SIGLEC1: variants seen among roughly 807,000 people sequenced by gnomAD.
SIGLEC1 encodes the protein sialoadhesin.
SIGLEC1 carries 132 observed loss-of-function variants against 148.0 expected under a neutral mutation model. That is an observed-to-expected ratio of 0.89 (90% CI 0.77 to 1.03). SIGLEC1 has a LOEUF of 1.03. SIGLEC1 is among the 50% of genes least tolerant of loss of function. SIGLEC1 has a pLI of 0.00. For synonymous variants in SIGLEC1, 945 were observed against 969.0 expected, an observed-to-expected ratio of 0.98 and a Z score of 0.46; for missense variants, 2,253 against 2,271.4, an observed-to-expected ratio of 0.99 and a Z score of 0.16.
intron 11 of SIGLEC1, 121 bp from the exon 12 acceptor site, chr20:3,695,044 T>C (rs1180439552): frequency 9.6e-7 from 1 of 1,041,170 alleles, no homozygotes; most frequent in Non-Finnish European, 1.4e-6. Flanking sequence ...CGCAGCCCCT[T>C]CCAGACCACC....
intron 4 of SIGLEC1, among the ~76,000 whole-genome samples, chr20:3,704,487 G>A (rs1254051319): frequency 6.6e-6 from 1 of 152,252 alleles, no homozygotes; most frequent in Non-Finnish European, 1.5e-5. Context: ...TACCTAGTGG[G>A]AGGGGGCCAA....
chr20:3,711,117 G>T (rs1451221525), intron 1 of SIGLEC1, among the ~76,000 whole-genome samples: 1 of 152,238 alleles, frequency 6.6e-6, no homozygotes, highest in East Asian at 1.9e-4. Flanking sequence ...AGGGGGCGGT[G>T]TGCCAGCAAC....
In SIGLEC1 at chr20:3,694,727, G is replaced by A; in HGVS notation, c.2880C>T (p.Cys960=). 1 of 1,613,844 alleles carries A rather than the reference G, an allele frequency of 6.2e-7. No homozygotes were observed. The highest frequency in any genetic ancestry group is 8.5e-7 in the Non-Finnish European group (1 of 1,180,000). Residue 960 remains cysteine (C), a synonymous_variant, in exon 12 of 22, where the codon TGC becomes TGT. Transcript: ENST00000344754. The stretch of plus-strand genomic sequence containing the variant: ...TGGCTGAGCCTGGGGCCTGGGCTTG[G>A]CAATGATAGGCCCCAGCTTGTGTCA... ...ITLTQAGAYH[C]QAQAPGSATT...
At position 3,701,405 on chromosome 20, in the gene SIGLEC1, A is replaced by T. The variant is rs1353297019; in HGVS notation, c.1465T>A (p.Tyr489Asn). ...RDLEETDSGEYKCSATNSLGN... is the reference protein window; with the variant it reads ...RDLEETDSGENKCSATNSLGN... ...AGGGAGTTGGTGGCTGAGCACTTGT[A>T]CTCCCCACTGTCAGTTTCCTCCAGG... Residue 489 changes from tyrosine to asparagine, a missense_variant, in exon 7 of 22, where the codon TAC becomes AAC. Coordinates refer to ENST00000344754, the MANE Select transcript of SIGLEC1 (RefSeq NM_023068.4). The T allele has an allele frequency of 6.2e-7, 1 of 1,613,712 alleles. No individual in the cohort carries two copies.
intron 18 of SIGLEC1, among the ~76,000 whole-genome samples, chr20:3,690,528 A>C (rs2088748186): frequency 6.6e-6 from 1 of 152,252 alleles, no homozygotes; most frequent in Non-Finnish European, 1.5e-5. Flanking sequence ...CCTGCTGGGC[A>C]CATGTGGCCC....
chr20:3,693,191 G>T, intron 14 of SIGLEC1, 60 bp from the exon 15 acceptor site: 1 of 1,495,052 alleles, frequency 6.7e-7, no homozygotes, highest in Non-Finnish European at 8.9e-7. Flanking sequence ...AGGCCAGTTT[G>T]CAGGTGGCAT....
At position 3,697,948 on chromosome 20, in the gene SIGLEC1, C is replaced by A. The variant is rs750875129; in HGVS notation, c.1972G>T (p.Gly658Cys). The change falls in exon 9 of 22, where the codon GGC (glycine) becomes TGC (cysteine). Residue 658 changes from glycine (G) to cysteine (C), a missense_variant. By Grantham distance (159) the Gly-to-Cys change is radical (BLOSUM62 -3). Coordinates refer to ENST00000344754, the MANE Select transcript of SIGLEC1 (RefSeq NM_023068.4). Reference protein sequence around the residue: ...PSGGGCSTCGGCSPRMKVTKA... With the variant: ...PSGGGCSTCGCCSPRMKVTKA... ...GTGACCTTCATGCGTGGGGAACAGC[C>A]CCCACAGGTGCTGCAGCCACCCCCT... 5.5e-5 allele frequency: 88 copies of A among 1,612,758 alleles called. 1 individual carries two copies. The Middle Eastern group carries it at 1.7e-3, about 30-fold the overall frequency.
chr20:3,697,579 C>G (rs1207337889), intron 9 of SIGLEC1, among the ~76,000 whole-genome samples: 2 of 152,168 alleles, frequency 1.3e-5, no homozygotes, highest in African/African-American at 2.4e-5. Flanking sequence ...ACTGTCCCAG[C>G]TGGGGAGTCC....
intron 19 of SIGLEC1, 103 bp downstream of exon 19, chr20:3,689,859 C>A: frequency 1.7e-6 from 2 of 1,210,386 alleles, no homozygotes; most frequent in Non-Finnish European, 2.4e-6. Context: ...AGTCGACAGG[C>A]AAATCATGCT....
intron 17 of SIGLEC1, 27 bp downstream of exon 17, chr20:3,691,876 C>A: frequency 6.5e-7 from 1 of 1,547,060 alleles, no homozygotes; most frequent in South Asian, 1.2e-5. Flanking sequence ...CATCAGAGCC[C>A]CTCCTCCTCC....
chr20:3,706,323 C>T (rs1164903517), intron 3 of SIGLEC1, 24 bp downstream of exon 3: 1 of 1,587,964 alleles, frequency 6.3e-7, no homozygotes, highest in Non-Finnish European at 8.6e-7. Context: ...TCCCGGGGGG[C>T]AGCCAGGCCA....
intron 21 of SIGLEC1, 21 bp downstream of exon 21, chr20:3,689,134 C>T (rs370505355): frequency 5.0e-6 from 8 of 1,603,522 alleles, no homozygotes; most frequent in South Asian, 3.3e-5. Context: ...TTATATCTGC[C>T]CGTGTGTGTT....
In SIGLEC1 at chr20:3,706,641, T is replaced by C. The variant is rs1226522874; in HGVS notation, c.115A>G (p.Ile39Val). 5 of 1,581,342 alleles carry C rather than the reference T, an allele frequency of 3.2e-6. No individual in the cohort carries two copies. In the South Asian group the frequency reaches 5.7e-5, roughly 18 times the overall value. ...VQGVKGSCLL[I>V]PCIFSFPADV... Reference sequence around the variant, plus strand: ...GCAGGGAAGCTGAAGATGCAGGGGATAAGCAGGCAAGACCCCTTCACACCC... The same window carrying C: ...GCAGGGAAGCTGAAGATGCAGGGGACAAGCAGGCAAGACCCCTTCACACCC... The change falls in exon 3 of 22, where the codon ATC (isoleucine) becomes GTC (valine). Residue 39 changes from isoleucine (I) to valine (V), a missense_variant. Ile to Val is a conservative substitution (Grantham distance 29). Coordinates refer to ENST00000344754, the MANE Select transcript of SIGLEC1 (RefSeq NM_023068.4).
chr20:3,706,615 G>C lies in SIGLEC1; in HGVS notation c.141C>G (p.Ala47=). The C allele has an allele frequency of 6.2e-7, 1 of 1,603,276 alleles. No homozygotes were observed. Residue 47 remains alanine (A), a synonymous_variant, in exon 3 of 22, where the codon GCC becomes GCG. Transcript: ENST00000344754. ...LLIPCIFSFP[A]DVEVPDGITA... is the part of the protein sequence containing the mutation. ...TGATGCCGTCGGGCACCTCCACGTC[G>C]GCAGGGAAGCTGAAGATGCAGGGGA...
At chr20:3,697,715 TG>T in intron 9 of SIGLEC1, 82 bp downstream of exon 9, 1 of 1,331,450 alleles carries the variant, frequency 7.5e-7, no homozygotes, top group Non-Finnish European at 1.1e-6. Context: ...AGAGTGGTTT[TG>T]CCTGATTAGA....
intron 7 of SIGLEC1, among the ~76,000 whole-genome samples, chr20:3,700,301 G>A (rs1221069328): frequency 6.6e-6 from 1 of 150,574 alleles, no homozygotes; most frequent in Non-Finnish European, 1.5e-5. Flanking sequence ...TATTTTTAGT[G>A]GAGACGGGGT....
rs1299668427 is a variant in SIGLEC1, at chr20:3,690,206, G to A, written c.4650C>T (p.Gly1550=). 6.4e-7 allele frequency: 1 copy of A among 1,557,708 alleles called. No individual in the cohort carries two copies. Residue 1550 remains glycine (G), a synonymous_variant, in exon 19 of 22, where the codon GGC becomes GGT. Coordinates refer to ENST00000344754, the MANE Select transcript of SIGLEC1 (RefSeq NM_023068.4). ...VFVEPEGGLR[G]ILDCRVDSEP... ...CGCTGTCCACTCGGCAATCCAGGAT[G>A]CCCCGGAGGCCACCCTCAGGCTCCA...
Position 3,689,686 on chromosome 20 carries a change from A to T in SIGLEC1, c.4911T>A (p.His1637Gln). 1 of 1,581,130 alleles carries T rather than the reference A, an allele frequency of 6.3e-7. No individual in the cohort carries two copies. Among genetic ancestry groups the T allele is most frequent in the South Asian group, 1.2e-5 (1 of 86,464 alleles). ...GGACCCAGAGCAGCTGCTGGAACTG[A>T]TGCAGGCGGTGCAGGGCTGGAACAC... ...YFGVRALHRL[H>Q]QFQQLLWVLG... Residue 1637 changes from histidine (H) to glutamine (Q), a missense_variant, in exon 20 of 22, where the codon CAT becomes CAA. By Grantham distance (24) the His-to-Gln change is conservative (BLOSUM62 0). Transcript: ENST00000344754.
Position 3,694,453 on chromosome 20 carries a change from G to C in SIGLEC1, c.3024C>G (p.Asp1008Glu). The C allele has an allele frequency of 6.2e-7, 1 of 1,608,930 alleles. No homozygotes were observed. The highest frequency in any genetic ancestry group is 8.5e-7 in the Non-Finnish European group (1 of 1,176,940). ...GCCGCAGCTGGGCCGGAGGGTCACTGTCCACACGGCACAGGAGGAGGCCCA... is the reference window on the plus strand; with the variant it reads ...GCCGCAGCTGGGCCGGAGGGTCACTCTCCACACGGCACAGGAGGAGGCCCA... ...GRLGLLLCRV[D>E]SDPPAQLRLL... is the part of the protein sequence containing the mutation. Residue 1008 changes from aspartate to glutamate, a missense_variant, in exon 13 of 22, where the codon GAC (aspartate) becomes GAG (glutamate). Physicochemically the swap from Asp to Glu is conservative, Grantham distance 45. Coordinates refer to ENST00000344754, the MANE Select transcript of SIGLEC1 (RefSeq NM_023068.4).
Sources: gnomAD v4.1 joint callset for allele counts (sites outside exome capture counted in the v4.1 genomes callset) on GRCh38, gnomAD v4.1.1 for gene constraint, MANE v1.5 for transcripts, NCBI Gene and HGNC (gene_info 2026-07-23, HGNC 2026-07-21) for gene names.